Variants in GPC6 observed in about 807,000 individuals in gnomAD.
GPC6 encodes the protein glypican-6.
GPC6 carries 14 observed loss-of-function variants against 55.2 expected under a neutral mutation model. The observed-to-expected ratio is 0.25, with a 90% CI of 0.17 to 0.40. GPC6 has a LOEUF of 0.40. Ranked by LOEUF, GPC6 falls within the 10% of genes least tolerant of loss-of-function variation. The probability of loss-of-function intolerance (pLI) is 1.00; values close to 1 mark genes in which losing one functional copy is unlikely to be tolerated. For synonymous variants in GPC6, 278 were observed against 259.6 expected, an observed-to-expected ratio of 1.07 and a Z score of -0.68; for missense variants, 641 against 708.5, an observed-to-expected ratio of 0.90 and a Z score of 1.08.
Position 94,403,578 on chromosome 13 carries a change from G to C in GPC6, c.*361G>C. 3.6e-6 allele frequency: 1 copy of C among 279,628 alleles called. No individual in the cohort carries two copies. The highest frequency in any genetic ancestry group is 6.9e-6 in the Non-Finnish European group (1 of 143,916). 17.3% of individuals were successfully genotyped at this position (279,628 alleles called of 1,614,324 possible). A position where few individuals can be genotyped will look rare whatever the true frequency, so the allele number is the denominator to read the frequency against. ...TCATTTAAAATAAAAAAGGAAGAAA[G>C]AAAATAATTTTCCTTGTAAAATCGG... On this transcript the variant is annotated 3_prime_UTR_variant, in exon 9 of 9. Coordinates refer to ENST00000377047, the MANE Select transcript of GPC6 (RefSeq NM_005708.5).
chr13:94,265,224 T>C (rs558998836), intron 4 of GPC6, among the ~76,000 whole-genome samples: 2 of 152,222 alleles, frequency 1.3e-5, no homozygotes, highest in Admixed American at 6.5e-5. Flanking sequence ...ATAGGATAGA[T>C]GTATATATAA....
Position 93,332,301 on chromosome 13 carries a change from CATA to C in GPC6, c.160+104688_160+104690del, listed in dbSNP as rs370635937. 2.5e-3 allele frequency among the ~76,000 whole-genome samples: 379 copies of C among 149,136 alleles called. 3 individuals are homozygous for C. Among genetic ancestry groups the C allele is most frequent in the African/African-American group, 8.9e-3 (360 of 40,470 alleles). ...TTGCGAAACCTCTGTAGCTGTTTTC[CATA>C]ATGACTGTGCTATCTTACATTCCCA... On this transcript the variant is annotated intron_variant, in intron 1 of 8. Coordinates refer to ENST00000377047, the MANE Select transcript of GPC6 (RefSeq NM_005708.5).
intron 4 of GPC6, among the ~76,000 whole-genome samples, chr13:94,063,872 C>CA (rs35630633): frequency 4.0e-5 from 6 of 151,782 alleles, no homozygotes; most frequent in Non-Finnish European, 8.8e-5. Flanking sequence ...CTAATTCTTT[C>CA]AAAAAAAAGA....
chr13:94,129,785 A>T (rs1023910110), intron 4 of GPC6, among the ~76,000 whole-genome samples: 1 of 152,134 alleles, frequency 6.6e-6, no homozygotes, highest in Non-Finnish European at 1.5e-5. Context: ...ATCTTGACTA[A>T]TAGAATAGCC....
chr13:94,243,587 G>A (rs866047487), intron 4 of GPC6, among the ~76,000 whole-genome samples: 14 of 152,022 alleles, frequency 9.2e-5, no homozygotes, highest in African/African-American at 3.4e-4. Context: ...CTGTTTCAAA[G>A]GATTATACTT....
chr13:94,023,533 A>G (rs928740565), intron 3 of GPC6, among the ~76,000 whole-genome samples: 1 of 152,040 alleles, frequency 6.6e-6, no homozygotes, highest in African/African-American at 2.4e-5. Context: ...AGAAATGTAA[A>G]ATGTTACAAA....
chr13:94,139,240 G>A (rs779362396), intron 4 of GPC6, among the ~76,000 whole-genome samples: 1 of 152,056 alleles, frequency 6.6e-6, no homozygotes, highest in Non-Finnish European at 1.5e-5. Flanking sequence ...TTTTGTTTGG[G>A]TGATAGGTAC....
intron 4 of GPC6, among the ~76,000 whole-genome samples, chr13:94,134,745 G>A (rs1017110004): frequency 6.6e-6 from 1 of 152,084 alleles, no homozygotes; most frequent in Non-Finnish European, 1.5e-5. Flanking sequence ...TCTATATGCA[G>A]AATATCATAC....
At chr13:94,085,451 C>A (rs1471515812) in intron 4 of GPC6, among the ~76,000 whole-genome samples, 2 of 151,870 alleles carry the variant, frequency 1.3e-5, no homozygotes, top group African/African-American at 4.8e-5. Flanking sequence ...GATGACCCAA[C>A]TTGCATTGCC....
At chr13:93,691,838 C>A (rs1882267656) in intron 2 of GPC6, among the ~76,000 whole-genome samples, 1 of 151,826 alleles carries the variant, frequency 6.6e-6, no homozygotes, top group Non-Finnish European at 1.5e-5. Flanking sequence ...GTTCAGTAAT[C>A]AAAAAATCAT....
chr13:94,337,082 A>G (rs1031490365), intron 6 of GPC6, among the ~76,000 whole-genome samples: 3 of 152,202 alleles, frequency 2.0e-5, no homozygotes, highest in African/African-American at 7.2e-5. Flanking sequence ...CTGTTCAGAG[A>G]CAAATCTGTG....
intron 2 of GPC6, among the ~76,000 whole-genome samples, chr13:93,658,792 G>C (rs1159913329): frequency 6.6e-6 from 1 of 151,208 alleles, no homozygotes; most frequent in East Asian, 1.9e-4. Context: ...ATTTTGTGAG[G>C]ATTTTGGTAT....
At chr13:93,675,178 C>CTT (rs1881537886) in intron 2 of GPC6, among the ~76,000 whole-genome samples, 2 of 152,140 alleles carry the variant, frequency 1.3e-5, no homozygotes, top group African/African-American at 4.8e-5. Context: ...GCAATATCTG[C>CTT]TTAAAACCTA....
intron 2 of GPC6, among the ~76,000 whole-genome samples, chr13:93,670,918 C>T (rs892160942): frequency 6.6e-6 from 1 of 152,126 alleles, no homozygotes; most frequent in African/African-American, 2.4e-5. Flanking sequence ...TGCTTAGAAA[C>T]CATTCCCTTT....
At chr13:93,612,500 A>AACACACACACACAC (rs3138575) in intron 2 of GPC6, among the ~76,000 whole-genome samples, 4,017 of 139,264 alleles carry the variant, frequency 0.029, 74 homozygotes, top group Middle Eastern at 0.059. Flanking sequence ...CTCCGTCTAA[A>AACACACACACACAC]ACACACACAC....
At chr13:93,812,952 G>C (rs1886741706) in intron 2 of GPC6, among the ~76,000 whole-genome samples, 1 of 152,100 alleles carries the variant, frequency 6.6e-6, no homozygotes, top group Non-Finnish European at 1.5e-5. Flanking sequence ...GTCACTAATT[G>C]TCAATAATGC....
chr13:94,376,633 T>C (rs2139200232), intron 6 of GPC6, among the ~76,000 whole-genome samples: 1 of 151,928 alleles, frequency 6.6e-6, no homozygotes, highest in Non-Finnish European at 1.5e-5. Context: ...CCCAAGGTAA[T>C]TTACAGATTC....
intron 4 of GPC6, among the ~76,000 whole-genome samples, chr13:94,144,871 T>G (rs1887506898): frequency 6.6e-6 from 1 of 151,982 alleles, no homozygotes; most frequent in Admixed American, 6.6e-5. Flanking sequence ...TTATGAAAAA[T>G]TTTATACATT....
chr13:93,603,197 C>G (rs957108544), intron 2 of GPC6, among the ~76,000 whole-genome samples: 1 of 151,920 alleles, frequency 6.6e-6, no homozygotes, highest in Non-Finnish European at 1.5e-5. Context: ...TTTGTAAAGA[C>G]ATGATCTCAC....
Sources: gnomAD v4.1 joint callset for allele counts (sites outside exome capture counted in the v4.1 genomes callset) on GRCh38, gnomAD v4.1.1 for gene constraint, MANE v1.5 for transcripts, NCBI Gene and HGNC (gene_info 2026-07-23, HGNC 2026-07-21) for gene names.